Variants in TENM4 observed in about 807,000 individuals in gnomAD.
TENM4 encodes the protein teneurin-4.
In TENM4, 82 loss-of-function variants were observed where a neutral mutation model predicts 243.3. The observed-to-expected ratio is 0.34, with a 90% CI of 0.28 to 0.40. The LOEUF (loss-of-function observed/expected upper bound fraction) is 0.40. Ranked by LOEUF, TENM4 falls within the 10% of genes least tolerant of loss-of-function variation. TENM4 has a pLI of 1.00. For missense variants in TENM4, 3,138 were observed against 3,673.3 expected (o/e 0.85, Z 3.77); for synonymous variants, 1,412 against 1,456.3 (o/e 0.97, Z 0.69).
chr11:79,326,928 A>G (rs562408507), intron 1 of TENM4, among the ~76,000 whole-genome samples: 2 of 152,250 alleles, frequency 1.3e-5, no homozygotes, highest in Non-Finnish European at 2.9e-5. Context: ...ACAAATGAGT[A>G]AAAAAGAAAG....
intron 6 of TENM4, among the ~76,000 whole-genome samples, chr11:79,051,334 G>A (rs1255227171): frequency 6.6e-6 from 1 of 152,166 alleles, no homozygotes; most frequent in East Asian, 1.9e-4. Context: ...TTAACACAAG[G>A]TAACACAGCT....
At chr11:79,316,014 A>G (rs563041440) in intron 1 of TENM4, among the ~76,000 whole-genome samples, 4 of 152,308 alleles carry the variant, frequency 2.6e-5, no homozygotes, top group South Asian at 4.1e-4. Flanking sequence ...TACTCTATAT[A>G]TGAGTGTTCT....
At chr11:78,697,667 C>T (rs1253025389) in intron 28 of TENM4, among the ~76,000 whole-genome samples, 1 of 152,164 alleles carries the variant, frequency 6.6e-6, no homozygotes, top group East Asian at 1.9e-4. Flanking sequence ...GACTAGTTGG[C>T]AAACCCTAAG....
intron 4 of TENM4, among the ~76,000 whole-genome samples, chr11:79,138,899 A>C (rs1186302155): frequency 8.7e-6 from 1 of 114,672 alleles, no homozygotes. Context: ...AATATATATT[A>C]TATTTCTATA....
chr11:79,197,438 G>T (rs1250481234), intron 3 of TENM4, among the ~76,000 whole-genome samples: 2 of 151,700 alleles, frequency 1.3e-5, no homozygotes, highest in African/African-American at 4.8e-5. Context: ...GAGGTACCTT[G>T]TTTGCAGTTA....
intron 4 of TENM4, among the ~76,000 whole-genome samples, chr11:79,085,293 C>A (rs1367157644): frequency 6.6e-6 from 1 of 150,390 alleles, no homozygotes; most frequent in South Asian, 2.1e-4. Context: ...AGGAGAATGG[C>A]GTGAACCCGG....
intron 9 of TENM4, among the ~76,000 whole-genome samples, chr11:78,871,365 T>C (rs1473549902): frequency 1.3e-5 from 2 of 152,212 alleles, no homozygotes; most frequent in African/African-American, 4.8e-5. Context: ...GGCATCATCT[T>C]CATTGTGTAT....
At chr11:79,289,179 T>C (rs1856312536) in intron 2 of TENM4, among the ~76,000 whole-genome samples, 1 of 152,202 alleles carries the variant, frequency 6.6e-6, no homozygotes, top group African/African-American at 2.4e-5. Context: ...TTCCAGATGA[T>C]TGATAATGTT....
At chr11:78,670,630 G>T in intron 31 of TENM4, 79 bp from the exon 32 acceptor site, 1 of 1,374,548 alleles carries the variant, frequency 7.3e-7, no homozygotes. Context: ...AGACTTAAAG[G>T]GACGGAATGA....
intron 6 of TENM4, among the ~76,000 whole-genome samples, chr11:78,907,479 A>G (rs1011209222): frequency 6.6e-6 from 1 of 152,170 alleles, no homozygotes; most frequent in Admixed American, 6.6e-5. Context: ...GAACTCTCTT[A>G]TAGTTTCTAT....
chr11:79,334,153 A>T (rs1565303921), intron 1 of TENM4, among the ~76,000 whole-genome samples: 1 of 152,236 alleles, frequency 6.6e-6, no homozygotes, highest in Admixed American at 6.5e-5. Flanking sequence ...AAAAACAAGC[A>T]ACAGAATCAA....
At chr11:79,220,775 G>T (rs1371547762) in intron 2 of TENM4, among the ~76,000 whole-genome samples, 1 of 152,148 alleles carries the variant, frequency 6.6e-6, no homozygotes, top group Non-Finnish European at 1.5e-5. Flanking sequence ...TGACCACTAT[G>T]TCTTCAATTC....
intron 3 of TENM4, among the ~76,000 whole-genome samples, chr11:79,192,254 G>A (rs1235282365): frequency 7.9e-5 from 12 of 152,096 alleles, no homozygotes; most frequent in Non-Finnish European, 1.5e-4. Context: ...CCACCACCCC[G>A]TCTGGGAGGT....
intron 1 of TENM4, among the ~76,000 whole-genome samples, chr11:79,349,227 C>T (rs1383314652): frequency 6.6e-6 from 1 of 152,052 alleles, no homozygotes; most frequent in Non-Finnish European, 1.5e-5. Flanking sequence ...TGTGAGGTTG[C>T]TAAGAGATGA....
At chr11:79,032,844 TA>T (rs1472566666) in intron 6 of TENM4, among the ~76,000 whole-genome samples, 1 of 152,218 alleles carries the variant, frequency 6.6e-6, no homozygotes, top group Non-Finnish European at 1.5e-5. Flanking sequence ...TAGGGACTGA[TA>T]TTTTTTTCCC....
intron 2 of TENM4, among the ~76,000 whole-genome samples, chr11:79,228,677 A>G (rs1348333684): frequency 6.6e-6 from 1 of 152,132 alleles, no homozygotes; most frequent in East Asian, 1.9e-4. Flanking sequence ...TGGAGGTTAC[A>G]TATGTTCCCC....
chr11:79,244,588 C>T (rs903126755), intron 2 of TENM4, among the ~76,000 whole-genome samples: 4 of 152,068 alleles, frequency 2.6e-5, no homozygotes, highest in Non-Finnish European at 4.4e-5. Context: ...TGCAGTACAT[C>T]AGTTATATTA....
At chr11:78,757,915 C>A (rs372850745) in intron 18 of TENM4, among the ~76,000 whole-genome samples, 1 of 152,182 alleles carries the variant, frequency 6.6e-6, no homozygotes, top group Non-Finnish European at 1.5e-5. Context: ...CATGGATGGG[C>A]TTCTTCAGGA....
chr11:78,971,688 A>G lies in TENM4; in HGVS notation c.494-68165T>C, dbSNP rs1857550302. ...AAATGTGAAAGCTTTTCAATTGAGC[A>G]ATTCCACTTTTAGGAATTTATCCCT... On this transcript the variant is annotated intron_variant, in intron 6 of 33. Coordinates refer to ENST00000278550, the MANE Select transcript of TENM4 (RefSeq NM_001098816.3). 2.6e-5 allele frequency among the ~76,000 whole-genome samples: 4 copies of G among 152,210 alleles called. No individual in the cohort carries two copies. The East Asian group carries it at 5.8e-4, about 22-fold the overall frequency.
Sources: allele counts gnomAD v4.1 joint callset (sites outside exome capture counted in the v4.1 genomes callset), GRCh38; gene constraint gnomAD v4.1.1; transcripts MANE v1.5; gene names NCBI Gene and HGNC (gene_info 2026-07-23, HGNC 2026-07-21).